Variants in EDIL3 observed in about 807,000 individuals in gnomAD.
The protein encoded by EDIL3 is EGF like and discoidin domains 3, also known as EGF-like repeat and discoidin I-like domain-containing protein 3.
EDIL3 carries 37 observed loss-of-function variants against 67.4 expected under a neutral mutation model. The ratio of observed to expected loss-of-function variants is 0.55; its 90% CI spans 0.42 to 0.72. EDIL3 has a LOEUF of 0.72. Among genes scored for constraint, EDIL3 ranks in the 30% least tolerant of loss-of-function variants. The probability of loss-of-function intolerance (pLI) is 0.00; values close to 1 mark genes in which losing one functional copy is unlikely to be tolerated. For synonymous variants in EDIL3, 195 were observed against 196.3 expected (o/e 0.99, Z 0.05); for missense variants, 527 against 586.3 (o/e 0.90, Z 1.04).
chr5:84,382,649 G>A (rs1465067210), intron 1 of EDIL3, among the ~76,000 whole-genome samples: 2 of 152,150 alleles, frequency 1.3e-5, no homozygotes, highest in East Asian at 3.9e-4. Flanking sequence ...TCAAAGTGCA[G>A]AGGAAATCCA....
At chr5:83,979,276 G>A (rs1744925427) in intron 9 of EDIL3, among the ~76,000 whole-genome samples, 1 of 152,080 alleles carries the variant, frequency 6.6e-6, no homozygotes, top group Non-Finnish European at 1.5e-5. Context: ...GTGCTGGCGA[G>A]TAGATAGAGC....
At chr5:84,079,886 G>T (rs985240384) in intron 6 of EDIL3, among the ~76,000 whole-genome samples, 4 of 151,916 alleles carry the variant, frequency 2.6e-5, no homozygotes, top group African/African-American at 9.7e-5. Flanking sequence ...TTAATATAAA[G>T]TATTTTATCA....
intron 1 of EDIL3, among the ~76,000 whole-genome samples, chr5:84,329,297 A>G (rs1746825409): frequency 6.6e-6 from 1 of 152,130 alleles, no homozygotes; most frequent in Non-Finnish European, 1.5e-5. Flanking sequence ...AAAGTAAAGT[A>G]AAAGTTTGAC....
intron 1 of EDIL3, among the ~76,000 whole-genome samples, chr5:84,383,942 G>C (rs1459988417): frequency 6.6e-6 from 1 of 152,084 alleles, no homozygotes; most frequent in African/African-American, 2.4e-5. Flanking sequence ...CGAAAGCCCT[G>C]CCCGACGTCT....
chr5:83,948,705 C>G (rs1159400376), intron 10 of EDIL3, among the ~76,000 whole-genome samples: 1 of 151,686 alleles, frequency 6.6e-6, no homozygotes, highest in African/African-American at 2.4e-5. Context: ...TTATTGGAAG[C>G]TTTGCATGTA....
intron 9 of EDIL3, among the ~76,000 whole-genome samples, chr5:84,043,760 A>G (rs1289320425): frequency 6.6e-6 from 1 of 152,230 alleles, no homozygotes; most frequent in African/African-American, 2.4e-5. Flanking sequence ...ATATGTACAC[A>G]TATTATTAGA....
chr5:84,366,047 A>G (rs576762416), intron 1 of EDIL3, among the ~76,000 whole-genome samples: 5 of 152,230 alleles, frequency 3.3e-5, no homozygotes, highest in South Asian at 2.1e-4. Flanking sequence ...CTCTTAACCA[A>G]TACAATACAC....
chr5:84,026,036 C>T (rs967535434), intron 9 of EDIL3, among the ~76,000 whole-genome samples: 1 of 152,146 alleles, frequency 6.6e-6, no homozygotes, highest in East Asian at 1.9e-4. Context: ...CCTTGCTACT[C>T]AACGTGTGGT....
chr5:84,214,854 G>A (rs1259129718), intron 3 of EDIL3, among the ~76,000 whole-genome samples: 8 of 151,956 alleles, frequency 5.3e-5, no homozygotes, highest in Non-Finnish European at 7.4e-5. Flanking sequence ...GAGTAGCTGG[G>A]ACTACAGGCG....
intron 1 of EDIL3, among the ~76,000 whole-genome samples, chr5:84,306,962 A>G (rs1746285825): frequency 6.6e-6 from 1 of 152,230 alleles, no homozygotes; most frequent in African/African-American, 2.4e-5. Context: ...AGTACTCAAT[A>G]AAACTTAACT....
intron 6 of EDIL3, among the ~76,000 whole-genome samples, chr5:84,073,280 C>G (rs1746778462): frequency 6.6e-6 from 1 of 152,134 alleles, no homozygotes; most frequent in African/African-American, 2.4e-5. Context: ...CCTTTGAAAA[C>G]AGGCACAAGA....
chr5:84,292,717 A>G (rs1369835259), intron 1 of EDIL3, among the ~76,000 whole-genome samples: 1 of 152,222 alleles, frequency 6.6e-6, no homozygotes, highest in African/African-American at 2.4e-5. Flanking sequence ...ATCAGATACC[A>G]GAAACTCATG....
At chr5:84,195,143 G>A (rs1371643758) in intron 3 of EDIL3, among the ~76,000 whole-genome samples, 1 of 151,888 alleles carries the variant, frequency 6.6e-6, no homozygotes, top group East Asian at 1.9e-4. Context: ...CACATCTTCA[G>A]TATAAGACAC....
In EDIL3 at chr5:84,384,484, CAAG is replaced by C. The variant is rs1464031722; in HGVS notation, c.-113_-111del. On this transcript the variant is annotated 5_prime_UTR_variant, in exon 1 of 11. Transcript: ENST00000296591. ...CAGACTCCGCCCCTACTAAAGAATT[CAAG>C]AAGACGTTCTCTTTCCTCAGCGCTT... The C allele has an allele frequency of 9.8e-7, 1 of 1,016,400 alleles. No individual in the cohort carries two copies. The highest frequency in any genetic ancestry group is 1.4e-5 in the South Asian group (1 of 69,828). 63.0% of individuals were successfully genotyped at this position (1,016,400 alleles called of 1,614,324 possible). A position where few individuals can be genotyped will look rare whatever the true frequency, so the allele number is the denominator to read the frequency against.
intron 5 of EDIL3, among the ~76,000 whole-genome samples, chr5:84,123,911 AT>A (rs1217428234): frequency 6.6e-6 from 1 of 151,852 alleles, no homozygotes; most frequent in South Asian, 2.1e-4. Flanking sequence ...GTTTTCTACT[AT>A]TTTTTCTTTT....
At chr5:84,290,542 T>A (rs760726163) in intron 1 of EDIL3, among the ~76,000 whole-genome samples, 2 of 151,916 alleles carry the variant, frequency 1.3e-5, no homozygotes, top group Non-Finnish European at 2.9e-5. Context: ...AAAAAAAGAG[T>A]CTGACCTTCT....
intron 1 of EDIL3, among the ~76,000 whole-genome samples, chr5:84,277,546 C>T (rs1180079114): frequency 6.6e-6 from 1 of 152,056 alleles, no homozygotes; most frequent in East Asian, 1.9e-4. Context: ...GTAGCTACAC[C>T]AGTTGTTAAG....
At chr5:83,960,385 T>C (rs1040129916) in intron 10 of EDIL3, among the ~76,000 whole-genome samples, 3 of 151,132 alleles carry the variant, frequency 2.0e-5, no homozygotes, top group Non-Finnish European at 4.5e-5. Flanking sequence ...AGAGTCTATT[T>C]TTTCTTAACA....
intron 1 of EDIL3, among the ~76,000 whole-genome samples, chr5:84,326,536 T>C (rs1277000658): frequency 6.6e-6 from 1 of 151,844 alleles, no homozygotes; most frequent in Non-Finnish European, 1.5e-5. Context: ...GGATGGTAAT[T>C]TTTATGGTAT....
Sources: allele counts gnomAD v4.1 joint callset (sites outside exome capture counted in the v4.1 genomes callset), GRCh38; gene constraint gnomAD v4.1.1; transcripts MANE v1.5; gene names NCBI Gene and HGNC (gene_info 2026-07-23, HGNC 2026-07-21).